PTPRD: variants seen among roughly 807,000 people sequenced by gnomAD.
PTPRD encodes the protein receptor-type tyrosine-protein phosphatase delta.
A neutral mutation model predicts 214.5 loss-of-function variants in PTPRD; 34 were observed. The ratio of observed to expected loss-of-function variants is 0.16; its 90% CI spans 0.12 to 0.21. The LOEUF (loss-of-function observed/expected upper bound fraction) is 0.21, where lower values mean the gene tolerates loss of function less well. Among genes scored for constraint, PTPRD ranks in the 10% least tolerant of loss-of-function variants. PTPRD has a pLI of 1.00. For missense variants in PTPRD, 2,545 were observed against 2,398.7 expected (o/e 1.06, Z -1.27); for synonymous variants, 1,128 against 845.7 (o/e 1.33, Z -5.79).
chr9:10,159,046 C>CAA (rs1175723562), intron 3 of PTPRD, among the ~76,000 whole-genome samples: 2 of 152,070 alleles, frequency 1.3e-5, no homozygotes, highest in Non-Finnish European at 2.9e-5. Flanking sequence ...CCTAGGAAGC[C>CAA]TTCTCACACT....
At chr9:8,385,811 G>A (rs10758969) in intron 37 of PTPRD, among the ~76,000 whole-genome samples, 86,998 of 151,904 alleles carry the variant, frequency 0.57, 25,897 homozygotes, top group African/African-American at 0.72. Flanking sequence ...TCCTGGGGGA[G>A]AGCAAGTAGG....
At chr9:9,953,858 T>C (rs1025055253) in intron 4 of PTPRD, among the ~76,000 whole-genome samples, 1 of 152,156 alleles carries the variant, frequency 6.6e-6, no homozygotes, top group African/African-American at 2.4e-5. Context: ...CAGAAGAAAT[T>C]GTTTGGCATA....
intron 5 of PTPRD, among the ~76,000 whole-genome samples, chr9:9,771,021 A>G (rs2098747770): frequency 1.3e-5 from 2 of 152,344 alleles, no homozygotes; most frequent in South Asian, 4.1e-4. Flanking sequence ...TTACAAAAGC[A>G]GATGGAAGTC....
intron 2 of PTPRD, among the ~76,000 whole-genome samples, chr9:10,356,636 G>C (rs1330072380): frequency 6.6e-6 from 1 of 151,834 alleles, no homozygotes; most frequent in Non-Finnish European, 1.5e-5. Context: ...GTGAGTAGTG[G>C]TTTTCCAAAC....
chr9:9,355,418 G>C (rs2053389135), intron 9 of PTPRD, among the ~76,000 whole-genome samples: 1 of 151,562 alleles, frequency 6.6e-6, no homozygotes, highest in Admixed American at 6.6e-5. Flanking sequence ...AAAATGTGTT[G>C]AAGATAGATC....
At chr9:8,936,176 T>G (rs1359066153) in intron 11 of PTPRD, 1 of 151,922 alleles carries the variant, frequency 6.6e-6, no homozygotes, top group Non-Finnish European at 1.5e-5. Context: ...TTTGGGTGAC[T>G]GAGGTAAGTG....
intron 4 of PTPRD, among the ~76,000 whole-genome samples, chr9:10,006,805 T>C (rs1247572183): frequency 6.6e-6 from 1 of 151,974 alleles, no homozygotes; most frequent in African/African-American, 2.4e-5. Context: ...AGATATATTC[T>C]ATTGACAACT....
intron 3 of PTPRD, among the ~76,000 whole-genome samples, chr9:10,060,803 C>CTTT (rs1555531077): frequency 1.5e-4 from 16 of 103,240 alleles, no homozygotes; most frequent in African/African-American, 6.2e-4. Context: ...TTTCTTTCTT[C>CTTT]CTTTCTTTCT....
intron 11 of PTPRD, among the ~76,000 whole-genome samples, chr9:8,768,404 T>G (rs1188578540): frequency 1.3e-5 from 2 of 151,870 alleles, no homozygotes; most frequent in African/African-American, 4.8e-5. Flanking sequence ...ACAAAACAAT[T>G]AGCTGGGTGT....
At chr9:9,468,562 G>A (rs921484621) in intron 8 of PTPRD, among the ~76,000 whole-genome samples, 2 of 152,008 alleles carry the variant, frequency 1.3e-5, no homozygotes, top group African/African-American at 4.8e-5. Flanking sequence ...GGACATATCA[G>A]TTATTAATAT....
intron 10 of PTPRD, among the ~76,000 whole-genome samples, chr9:9,019,354 A>AAGAG (rs879882058): frequency 2.1e-4 from 30 of 142,268 alleles, no homozygotes; most frequent in African/African-American, 7.8e-4. Flanking sequence ...GAAAGAAAGA[A>AAGAG]AGAAAGAATC....
At chr9:10,355,758 G>A (rs749812822) in intron 2 of PTPRD, among the ~76,000 whole-genome samples, 67 of 152,036 alleles carry the variant, frequency 4.4e-4, no homozygotes, top group Non-Finnish European at 2.6e-4. Flanking sequence ...GATTACAGGC[G>A]TGAGCCACCG....
chr9:10,044,227 T>C lies in PTPRD; in HGVS notation c.-544-10437A>G, dbSNP rs377584707. Among the ~76,000 whole-genome samples, 4 of 151,912 alleles carry C rather than the reference T, an allele frequency of 2.6e-5. No individual in the cohort carries two copies. The South Asian group carries it at 6.2e-4, about 24-fold the overall frequency. On this transcript the variant is annotated intron_variant, in intron 3 of 45. Transcript: ENST00000381196. Reference sequence around the variant, plus strand: ...TTTCAACATGAGTAAGAGAATAAGGTCTATGAGTTTTTCTCTAAAATAATA... The same window carrying C: ...TTTCAACATGAGTAAGAGAATAAGGCCTATGAGTTTTTCTCTAAAATAATA...
At chr9:10,124,285 T>C (rs890600676) in intron 3 of PTPRD, among the ~76,000 whole-genome samples, 5 of 152,220 alleles carry the variant, frequency 3.3e-5, no homozygotes, top group African/African-American at 7.2e-5. Flanking sequence ...CATATACATT[T>C]AGTGAATAAA....
intron 5 of PTPRD, among the ~76,000 whole-genome samples, chr9:9,772,259 A>C (rs534670111): frequency 6.6e-6 from 1 of 152,126 alleles, no homozygotes; most frequent in Non-Finnish European, 1.5e-5. Flanking sequence ...AAAGACTCTC[A>C]GAAGAAATTA....
chr9:8,511,191 CCT>C (rs923956704), intron 21 of PTPRD, among the ~76,000 whole-genome samples: 18 of 152,248 alleles, frequency 1.2e-4, no homozygotes, highest in African/African-American at 3.9e-4. Context: ...ACCTCAGCCC[CCT>C]GAGTAGCTGA....
intron 5 of PTPRD, among the ~76,000 whole-genome samples, chr9:9,938,278 T>C (rs1343118343): frequency 2.0e-5 from 3 of 152,208 alleles, no homozygotes; most frequent in East Asian, 3.8e-4. Flanking sequence ...AATCCATTCA[T>C]AGTTACCTGT....
intron 10 of PTPRD, among the ~76,000 whole-genome samples, chr9:9,114,741 T>C (rs2099810644): frequency 6.6e-6 from 1 of 152,086 alleles, no homozygotes; most frequent in Non-Finnish European, 1.5e-5. Flanking sequence ...TTGCCTCCTC[T>C]TTCTATAGTT....
intron 2 of PTPRD, among the ~76,000 whole-genome samples, chr9:10,609,652 G>A (rs1159844069): frequency 6.6e-6 from 1 of 152,038 alleles, no homozygotes; most frequent in Non-Finnish European, 1.5e-5. Context: ...CATCCTACTA[G>A]TAATACACAG....
Sources: allele counts gnomAD v4.1 joint callset (sites outside exome capture counted in the v4.1 genomes callset), GRCh38; gene constraint gnomAD v4.1.1; transcripts MANE v1.5; gene names NCBI Gene and HGNC (gene_info 2026-07-23, HGNC 2026-07-21).